The following SLC9B2 variants were observed in gnomAD, a reference collection of about 807,000 sequenced individuals.
The protein encoded by SLC9B2 is solute carrier family 9 member B2, also known as sodium/hydrogen exchanger 9B2.
In SLC9B2, 39 loss-of-function variants were observed where a neutral mutation model predicts 52.2. That is an observed-to-expected ratio of 0.75 (90% CI 0.58 to 0.98). SLC9B2 has a LOEUF of 0.98. SLC9B2 is among the 50% of genes least tolerant of loss of function. The probability of loss-of-function intolerance (pLI) is 0.00; values close to 1 mark genes in which losing one functional copy is unlikely to be tolerated. For synonymous variants in SLC9B2, 214 were observed against 227.0 expected (o/e 0.94, Z 0.51); for missense variants, 626 against 637.5 (o/e 0.98, Z 0.19).
intron 4 of SLC9B2, among the ~76,000 whole-genome samples, chr4:103,051,032 A>G (rs1480061155): frequency 1.3e-5 from 2 of 152,156 alleles, no homozygotes; most frequent in Non-Finnish European, 2.9e-5. Context: ...AACGGACAAT[A>G]CCAATTTTAT....
intron 1 of SLC9B2, among the ~76,000 whole-genome samples, chr4:103,070,291 T>C (rs1278699858): frequency 6.6e-6 from 1 of 152,222 alleles, no homozygotes; most frequent in Non-Finnish European, 1.5e-5. Context: ...GTATTTATTA[T>C]TTATAGTCAT....
intron 5 of SLC9B2, among the ~76,000 whole-genome samples, chr4:103,049,245 A>G (rs1367305097): frequency 6.6e-6 from 1 of 152,156 alleles, no homozygotes; most frequent in Non-Finnish European, 1.5e-5. Context: ...TTATCCCCAT[A>G]TTTTTAGATG....
chr4:103,072,502 C>A (rs556060644), intron 1 of SLC9B2, among the ~76,000 whole-genome samples: 7 of 152,310 alleles, frequency 4.6e-5, no homozygotes, highest in Admixed American at 3.9e-4. Flanking sequence ...ACTTTGGAAA[C>A]CATTTCTGTA....
chr4:103,061,424 C>A (rs1282125937), intron 3 of SLC9B2, among the ~76,000 whole-genome samples: 3 of 152,104 alleles, frequency 2.0e-5, no homozygotes, highest in Non-Finnish European at 2.9e-5. Context: ...AAACCAAACA[C>A]CGCATATTCT....
At chr4:103,068,026 A>C (rs1053461349) in intron 1 of SLC9B2, among the ~76,000 whole-genome samples, 49 of 152,306 alleles carry the variant, frequency 3.2e-4, no homozygotes, top group Middle Eastern at 3.4e-3. Flanking sequence ...TAGAGTCACT[A>C]ACTCCTGCCT....
chr4:103,049,078 A>G, intron 5 of SLC9B2, 58 bp from the exon 6 acceptor site: 1 of 1,583,814 alleles, frequency 6.3e-7, no homozygotes, highest in South Asian at 1.2e-5. Context: ...AGAGAAGATG[A>G]CCTTGAATGC....
At chr4:103,053,092 C>T (rs981155910) in intron 4 of SLC9B2, among the ~76,000 whole-genome samples, 6 of 152,052 alleles carry the variant, frequency 3.9e-5, no homozygotes, top group African/African-American at 1.4e-4. Context: ...AATCTCATTT[C>T]ATCCACTCCC....
intron 1 of SLC9B2, among the ~76,000 whole-genome samples, chr4:103,073,191 C>T (rs73835138): frequency 0.021 from 3,224 of 152,176 alleles, 105 homozygotes; most frequent in African/African-American, 0.069. Flanking sequence ...TATTTTGTTA[C>T]AGTAACAAAA....
At chr4:103,055,330 T>C (rs1201786072) in intron 4 of SLC9B2, among the ~76,000 whole-genome samples, 3 of 152,100 alleles carry the variant, frequency 2.0e-5, no homozygotes, top group Non-Finnish European at 4.4e-5. Context: ...AAGGCACATG[T>C]ATACATATGT....
At chr4:103,054,618 T>G (rs1373451514) in intron 4 of SLC9B2, among the ~76,000 whole-genome samples, 1 of 152,232 alleles carries the variant, frequency 6.6e-6, no homozygotes, top group Non-Finnish European at 1.5e-5. Flanking sequence ...TGAATAAACG[T>G]GGGTGGGTTC....
intron 7 of SLC9B2, among the ~76,000 whole-genome samples, chr4:103,045,454 G>T (rs950924508): frequency 5.9e-5 from 9 of 151,912 alleles, no homozygotes; most frequent in African/African-American, 2.2e-4. Flanking sequence ...AGCTATTGTG[G>T]TAATAATTTA....
At chr4:103,036,327 C>T (rs1376637906) in intron 9 of SLC9B2, among the ~76,000 whole-genome samples, 1 of 152,074 alleles carries the variant, frequency 6.6e-6, no homozygotes, top group Non-Finnish European at 1.5e-5. Flanking sequence ...AACAGTGAGT[C>T]CACAGGGACA....
intron 4 of SLC9B2, among the ~76,000 whole-genome samples, 194 bp from the exon 5 acceptor site, chr4:103,050,576 G>A (rs1744585448): frequency 6.6e-6 from 1 of 152,184 alleles, no homozygotes; most frequent in South Asian, 2.1e-4. Context: ...TAAAAAGATA[G>A]ATTATAATAA....
chr4:103,028,283 C>A (rs986202258), intron 11 of SLC9B2, among the ~76,000 whole-genome samples: 11 of 152,070 alleles, frequency 7.2e-5, no homozygotes, highest in Admixed American at 5.9e-4. Flanking sequence ...TTCAATAAAT[C>A]TTTTCTCCAT....
At chr4:103,043,845 T>C (rs943611580) in intron 8 of SLC9B2, among the ~76,000 whole-genome samples, 14 of 152,206 alleles carry the variant, frequency 9.2e-5, no homozygotes, top group African/African-American at 2.4e-4. Flanking sequence ...ATTTACATCA[T>C]AGGGTTTGTG....
intron 3 of SLC9B2, among the ~76,000 whole-genome samples, chr4:103,062,901 T>G (rs1745793797): frequency 6.6e-6 from 1 of 152,192 alleles, no homozygotes; most frequent in South Asian, 2.1e-4. Context: ...TGAGCCACTG[T>G]GCCCAGCCTA....
At chr4:103,038,796 G>A (rs1260169338) in intron 9 of SLC9B2, among the ~76,000 whole-genome samples, 1 of 152,022 alleles carries the variant, frequency 6.6e-6, no homozygotes, top group Non-Finnish European at 1.5e-5. Context: ...ATCTGTAAAA[G>A]TCATTAGAAG....
At chr4:103,066,271 A>G in intron 3 of SLC9B2, 56 bp downstream of exon 3, 3 of 1,556,760 alleles carry the variant, frequency 1.9e-6, no homozygotes, top group South Asian at 2.4e-5. Flanking sequence ...ATTATTTAGT[A>G]ATCTGCCATT....
chr4:103,037,801 ACATAT>A, intron 9 of SLC9B2, among the ~76,000 whole-genome samples: 1 of 152,086 alleles, frequency 6.6e-6, no homozygotes, highest in East Asian at 1.9e-4. Context: ...ACATCCTTCC[ACATAT>A]CTTTAAATTT....
Sources: gnomAD v4.1 joint callset for allele counts (sites outside exome capture counted in the v4.1 genomes callset) on GRCh38, gnomAD v4.1.1 for gene constraint, MANE v1.5 for transcripts, NCBI Gene and HGNC (gene_info 2026-07-23, HGNC 2026-07-21) for gene names.